The following LHFPL3 variants were observed in gnomAD, a reference collection of about 807,000 sequenced individuals.
LHFPL3 encodes LHFPL tetraspan subfamily member 3, also known as LHFPL tetraspan subfamily member 3 protein.
A neutral mutation model predicts 19.3 loss-of-function variants in LHFPL3; 5 were observed. That is an observed-to-expected ratio of 0.26 (90% confidence interval 0.14 to 0.54). The LOEUF (loss-of-function observed/expected upper bound fraction) is 0.54. Ranked by LOEUF, LHFPL3 falls within the 20% of genes least tolerant of loss-of-function variation. The pLI, the probability that LHFPL3 is intolerant of heterozygous loss-of-function variation, is 0.94. For missense variants in LHFPL3, 249 were observed against 307.4 expected, an observed-to-expected ratio of 0.81 and a Z score of 1.42; for synonymous variants, 133 against 126.2, an observed-to-expected ratio of 1.05 and a Z score of -0.36.
intron 1 of LHFPL3, among the ~76,000 whole-genome samples, chr7:104,586,510 G>A (rs544077046): frequency 2.8e-4 from 42 of 152,062 alleles, no homozygotes; most frequent in Non-Finnish European, 5.6e-4. Context: ...TACAACATAG[G>A]AAGCTGAGAT....
chr7:104,774,955 G>A (rs903135959), intron 2 of LHFPL3, among the ~76,000 whole-genome samples: 6 of 152,174 alleles, frequency 3.9e-5, no homozygotes, highest in African/African-American at 1.4e-4. Context: ...CATCAACACT[G>A]GTGTTACAGT....
chr7:104,532,421 A>G (rs1256176072), intron 1 of LHFPL3, among the ~76,000 whole-genome samples: 5 of 141,178 alleles, frequency 3.5e-5, no homozygotes, highest in African/African-American at 7.9e-5. Flanking sequence ...TTGGCTTCCC[A>G]AAGTGTTGGG....
At chr7:104,568,791 GT>G (rs1790172026) in intron 1 of LHFPL3, among the ~76,000 whole-genome samples, 1 of 152,212 alleles carries the variant, frequency 6.6e-6, no homozygotes, top group Non-Finnish European at 1.5e-5. Context: ...CCTTCCAGAG[GT>G]CAGAGAAACC....
In LHFPL3 at chr7:104,908,305, C is replaced by A. The variant is rs1792658108; in HGVS notation, c.*2090C>A. On this transcript the variant is annotated 3_prime_UTR_variant, in exon 3 of 3. Coordinates refer to ENST00000424859, the MANE Select transcript of LHFPL3 (RefSeq NM_199000.3). ...ATACCACAGTGCTCTGAAGATGGGT[C>A]ATTGACGATGTACCATTTGTATATA... 6.6e-6 allele frequency among the ~76,000 whole-genome samples: 1 copy of A among 151,950 alleles called. No individual in the cohort carries two copies. The highest frequency in any genetic ancestry group is 1.5e-5 in the Non-Finnish European group (1 of 67,990).
intron 1 of LHFPL3, among the ~76,000 whole-genome samples, chr7:104,513,956 G>T (rs1029072033): frequency 1.5e-5 from 2 of 135,690 alleles, no homozygotes; most frequent in African/African-American, 2.7e-5. Context: ...CAAGGTCAAG[G>T]TGTGTGTGTG....
At chr7:104,772,173 T>C (rs1309757807) in intron 2 of LHFPL3, among the ~76,000 whole-genome samples, 1 of 152,168 alleles carries the variant, frequency 6.6e-6, no homozygotes, top group Non-Finnish European at 1.5e-5. Flanking sequence ...TTTGAGCCTA[T>C]TAATAACTGC....
At chr7:104,749,446 C>A (rs1353465186) in intron 2 of LHFPL3, among the ~76,000 whole-genome samples, 2 of 152,286 alleles carry the variant, frequency 1.3e-5, no homozygotes, top group African/African-American at 4.8e-5. Context: ...TCCACTGAAA[C>A]CTGGTGGCTG....
intron 1 of LHFPL3, among the ~76,000 whole-genome samples, chr7:104,586,450 T>C (rs1219159857): frequency 6.6e-6 from 1 of 152,108 alleles, no homozygotes; most frequent in East Asian, 1.9e-4. Flanking sequence ...GGTAACATAG[T>C]CTATGAAGTA....
intron 1 of LHFPL3, among the ~76,000 whole-genome samples, chr7:104,436,913 AC>A (rs1792118299): frequency 6.6e-6 from 1 of 152,214 alleles, no homozygotes; most frequent in South Asian, 2.1e-4. Flanking sequence ...AAAGTTTGAG[AC>A]TTTTTAGAGG....
intron 1 of LHFPL3, among the ~76,000 whole-genome samples, chr7:104,663,511 A>G (rs1232159686): frequency 6.6e-6 from 1 of 152,232 alleles, no homozygotes; most frequent in East Asian, 1.9e-4. Flanking sequence ...GTTACTGATT[A>G]TAAAGGAAAA....
rs373516338 is a variant in LHFPL3, at chr7:104,371,775, TAATTTTGCATAGAC to T, written c.445+42561_445+42574del. Among the ~76,000 whole-genome samples the T allele has an allele frequency of 3.5e-3, 540 of 152,364 alleles. 3 individuals carry two copies. The highest frequency in any genetic ancestry group is 0.012 in the African/African-American group (503 of 41,582). The stretch of plus-strand genomic sequence containing the variant: ...GGATACTTTTAACAATATAGGTACA[TAATTTTGCATAGAC>T]AATTTTGCAACAGAATAAAGTGAGC... On this transcript the variant is annotated intron_variant, in intron 1 of 2. Coordinates refer to ENST00000424859, the MANE Select transcript of LHFPL3 (RefSeq NM_199000.3).
rs1180217304 is a variant in LHFPL3, at chr7:104,497,727, T to C, written c.445+168503T>C. On this transcript the variant is annotated intron_variant, in intron 1 of 2. Coordinates refer to ENST00000424859, the MANE Select transcript of LHFPL3 (RefSeq NM_199000.3). ...GTCACTGCCGGGAACTTGCCTGGAG[T>C]CTGGTTAGGAATCTTTTGGCCCTGA... is the stretch of plus-strand genomic sequence containing the variant. Among the ~76,000 whole-genome samples, 7 of 151,022 alleles carry C rather than the reference T, an allele frequency of 4.6e-5. No individual in the cohort carries two copies. The East Asian group carries it at 1.4e-3, about 29-fold the overall frequency.
intron 1 of LHFPL3, among the ~76,000 whole-genome samples, chr7:104,735,011 C>T (rs1445543616): frequency 6.6e-6 from 1 of 152,204 alleles, no homozygotes; most frequent in Non-Finnish European, 1.5e-5. Flanking sequence ...TGGGTATCAC[C>T]AGCAGAGGCT....
At chr7:104,333,354 T>C (rs1007348560) in intron 1 of LHFPL3, among the ~76,000 whole-genome samples, 2 of 152,214 alleles carry the variant, frequency 1.3e-5, no homozygotes, top group Non-Finnish European at 2.9e-5. Flanking sequence ...AGGCAACAGA[T>C]GTGGAAAGAT....
intron 1 of LHFPL3, among the ~76,000 whole-genome samples, chr7:104,689,601 A>T (rs1013485184): frequency 6.6e-6 from 1 of 152,122 alleles, no homozygotes; most frequent in African/African-American, 2.4e-5. Context: ...CTGACAATTT[A>T]TACTGTTAAT....
At chr7:104,615,010 C>T (rs925995473) in intron 1 of LHFPL3, among the ~76,000 whole-genome samples, 3 of 152,030 alleles carry the variant, frequency 2.0e-5, no homozygotes, top group Non-Finnish European at 4.4e-5. Context: ...ATGCTCTGGT[C>T]TCCCAAAGCA....
In LHFPL3 at chr7:104,399,215, C is replaced by T. The variant is rs1012741777; in HGVS notation, c.445+69991C>T. ...GATGTCCTCTTACTTCCCTTGATAT[C>T]GTAGGTTTCCAGCTGGACAAGGCCC... On this transcript the variant is annotated intron_variant, in intron 1 of 2. Coordinates refer to ENST00000424859, the MANE Select transcript of LHFPL3 (RefSeq NM_199000.3). The surrounding 1 kb of genome is among the most constrained non-coding windows in gnomAD (Gnocchi z 4.4). 3.3e-5 allele frequency among the ~76,000 whole-genome samples: 5 copies of T among 152,184 alleles called. No individual in the cohort carries two copies. The highest frequency in any genetic ancestry group is 3.9e-4 in the East Asian group (2 of 5,174).
chr7:104,368,490 C>T (rs1790540033), intron 1 of LHFPL3, among the ~76,000 whole-genome samples: 1 of 152,134 alleles, frequency 6.6e-6, no homozygotes, highest in African/African-American at 2.4e-5. Flanking sequence ...AGGTAGGGTC[C>T]CATTTCTGCG....
intron 2 of LHFPL3, among the ~76,000 whole-genome samples, chr7:104,889,167 G>T (rs1420257976): frequency 6.6e-6 from 1 of 152,194 alleles, no homozygotes; most frequent in Non-Finnish European, 1.5e-5. Flanking sequence ...ATTGATAAAT[G>T]CATAATTAAA....
Sources: allele counts gnomAD v4.1 joint callset (sites outside exome capture counted in the v4.1 genomes callset), GRCh38; gene constraint gnomAD v4.1.1; non-coding constraint Gnocchi (gnomAD v3.1); transcripts MANE v1.5; gene names NCBI Gene and HGNC (gene_info 2026-07-23, HGNC 2026-07-21).